NUP43: variants seen among roughly 807,000 people sequenced by gnomAD.
NUP43 encodes nucleoporin Nup43.
In NUP43, 32 loss-of-function variants were observed where a neutral mutation model predicts 47.3. The ratio of observed to expected loss-of-function variants is 0.68; its 90% confidence interval spans 0.51 to 0.91. The LOEUF is 0.91. Ranked by LOEUF, NUP43 falls within the 40% of genes least tolerant of loss-of-function variation. The pLI is 0.00. For missense variants in NUP43, 444 were observed against 453.9 expected (o/e 0.98, Z 0.20); for synonymous variants, 147 against 158.4 (o/e 0.93, Z 0.54).
At position 149,727,754 on chromosome 6, in the gene NUP43, T is replaced by G. The variant is rs1006771854; in HGVS notation, c.914-556A>C. ...TAGATAAATGTTCTTACAAGCAGATTAGAACACTACTAGATTATAAGGTTT... is the reference window on the plus strand; with the variant it reads ...TAGATAAATGTTCTTACAAGCAGATGAGAACACTACTAGATTATAAGGTTT... On this transcript the variant is annotated intron_variant, in intron 7 of 7. Transcript: ENST00000340413. 38 of 983,576 alleles carry G rather than the reference T, an allele frequency of 3.9e-5. 1 individual carries two copies. The South Asian group carries it at 1.6e-3, about 43-fold the overall frequency. The allele number at this position is 983,576 out of a possible 1,614,324, so 60.9% of individuals were successfully genotyped here.
intron 7 of NUP43, among the ~76,000 whole-genome samples, chr6:149,728,756 G>A (rs1343962871): frequency 1.3e-5 from 2 of 152,104 alleles, no homozygotes; most frequent in Non-Finnish European, 2.9e-5. Context: ...TGGTGTCCTT[G>A]CAGTTCTCTG....
At chr6:149,744,648 C>T (rs1582985433) in intron 2 of NUP43, among the ~76,000 whole-genome samples, 1 of 151,780 alleles carries the variant, frequency 6.6e-6, no homozygotes, top group African/African-American at 2.4e-5. Context: ...CCAGCCTGGC[C>T]AACATGGTGA....
At chr6:149,739,400 C>T (rs946381781) in intron 4 of NUP43, among the ~76,000 whole-genome samples, 1 of 152,132 alleles carries the variant, frequency 6.6e-6, no homozygotes, top group African/African-American at 2.4e-5. Flanking sequence ...GATTCTCTTG[C>T]CTCGGCCTCT....
At chr6:149,743,423 C>G (rs966816596) in intron 3 of NUP43, among the ~76,000 whole-genome samples, 63 of 151,822 alleles carry the variant, frequency 4.1e-4, no homozygotes, top group African/African-American at 1.4e-3. Flanking sequence ...TGGAGAAACC[C>G]CGTCTCTACT....
At chr6:149,734,538 C>T (rs903306360) in intron 6 of NUP43, among the ~76,000 whole-genome samples, 4 of 151,832 alleles carry the variant, frequency 2.6e-5, no homozygotes, top group Non-Finnish European at 5.9e-5. Flanking sequence ...TGGCTCACAC[C>T]TGTAATCCCA....
chr6:149,743,250 C>G (rs1785763678), intron 3 of NUP43, among the ~76,000 whole-genome samples: 1 of 151,286 alleles, frequency 6.6e-6, no homozygotes, highest in South Asian at 2.1e-4. Context: ...CTAAATGACT[C>G]AAAAAAACCC....
rs138877796 is a variant in NUP43 at position 149,741,240 on chromosome 6, C to T, written c.502+1150G>A. ...AGGCTGGAGTGCGGTGGCATGATCT[C>T]GGCTCACTGCAGCCTCTCAGTCTCT... On this transcript the variant is annotated intron_variant, in intron 4 of 7. Coordinates refer to ENST00000340413, the MANE Select transcript of NUP43 (RefSeq NM_198887.3). Among the ~76,000 whole-genome samples the T allele has an allele frequency of 6.5e-3, 995 of 152,184 alleles. 12 individuals are homozygous for T. Among genetic ancestry groups the T allele is most frequent in the African/African-American group, 0.023 (941 of 41,514 alleles).
chr6:149,725,129 A>G lies in NUP43; in HGVS notation c.*1840T>C, dbSNP rs1784745324. 1.3e-5 allele frequency: 2 copies of G among 152,218 alleles called. No homozygotes were observed. Among genetic ancestry groups the G allele is most frequent in the Admixed American group, 1.3e-4 (2 of 15,266 alleles). 9.4% of individuals were successfully genotyped at this position (152,218 alleles called of 1,614,324 possible). A position where few individuals can be genotyped will look rare whatever the true frequency, so the allele number is the denominator to read the frequency against. On this transcript the variant is annotated 3_prime_UTR_variant, in exon 8 of 8. Transcript: ENST00000340413. ...TTATTAAAATTGGCAAAACTTGTCA[A>G]TTGGCATGAAATGTAATGCTGTTAA...
At chr6:149,742,308 G>T in intron 4 of NUP43, 82 bp downstream of exon 4, 2 of 1,337,560 alleles carry the variant, frequency 1.5e-6, no homozygotes, top group Non-Finnish European at 2.1e-6. Context: ...TTGCCGGGGT[G>T]AGCCACCACA....
At chr6:149,737,628 T>C (rs796299988) in intron 5 of NUP43, among the ~76,000 whole-genome samples, 27 of 152,178 alleles carry the variant, frequency 1.8e-4, no homozygotes, top group African/African-American at 6.5e-4. Flanking sequence ...GCTGAATCTT[T>C]TTTTTATTTG....
At chr6:149,733,567 TC>T (rs1168495138) in intron 6 of NUP43, among the ~76,000 whole-genome samples, 1 of 151,840 alleles carries the variant, frequency 6.6e-6, no homozygotes, top group Non-Finnish European at 1.5e-5. Flanking sequence ...TATCTCAGCC[TC>T]CTGAGTAGCT....
At position 149,726,425 on chromosome 6, in the gene NUP43, C is replaced by G. The variant is rs1306392423; in HGVS notation, c.*544G>C. ...AAAAAAAAAAAAAAAAAATTGAACACAGCTACACATCTTTGTCATTTTTGC... is the reference window on the plus strand; with the variant it reads ...AAAAAAAAAAAAAAAAAATTGAACAGAGCTACACATCTTTGTCATTTTTGC... On this transcript the variant is annotated 3_prime_UTR_variant, in exon 8 of 8. Coordinates refer to ENST00000340413, the MANE Select transcript of NUP43 (RefSeq NM_198887.3). 6.7e-6 allele frequency: 1 copy of G among 150,094 alleles called. No individual in the cohort carries two copies. Among genetic ancestry groups the G allele is most frequent in the African/African-American group, 2.5e-5 (1 of 40,568 alleles). 9.3% of individuals were successfully genotyped at this position (150,094 alleles called of 1,614,324 possible).
At chr6:149,740,050 C>T (rs576562902) in intron 4 of NUP43, among the ~76,000 whole-genome samples, 57 of 152,114 alleles carry the variant, frequency 3.7e-4, no homozygotes, top group Admixed American at 1.1e-3. Context: ...TTCGGGAGGC[C>T]GAGGTGGGCA....
At chr6:149,735,454 A>T (rs1270727449) in intron 6 of NUP43, among the ~76,000 whole-genome samples, 5 of 151,930 alleles carry the variant, frequency 3.3e-5, no homozygotes, top group Admixed American at 3.3e-4. Context: ...CTAAGAAAAT[A>T]AGTACATAAG....
At chr6:149,727,900 C>T (rs1784865273) in intron 7 of NUP43, 1 of 985,264 alleles carries the variant, frequency 1.0e-6, no homozygotes, top group East Asian at 1.1e-4. Context: ...CAAATAAGTA[C>T]AAATTTAATT....
chr6:149,745,869 T>C (rs1044247755), intron 2 of NUP43, 71 bp downstream of exon 2: 9 of 1,397,586 alleles, frequency 6.4e-6, no homozygotes, highest in Non-Finnish European at 8.6e-6. Flanking sequence ...ACAACTTTTA[T>C]GATGCTCTGC....
At chr6:149,742,291 G>A (rs542050219) in intron 4 of NUP43, 99 bp downstream of exon 4, 1 of 1,087,834 alleles carries the variant, frequency 9.2e-7, no homozygotes, top group African/African-American at 1.5e-5. Context: ...CTCCCAAAGT[G>A]CTGCAATTGC....
chr6:149,743,552 G>A (rs1284268552), intron 3 of NUP43, 86 bp downstream of exon 3: 19 of 771,412 alleles, frequency 2.5e-5, no homozygotes, highest in South Asian at 7.9e-5. Context: ...CCGAGACTGC[G>A]CCACTGCACT....
intron 6 of NUP43, among the ~76,000 whole-genome samples, chr6:149,734,279 G>A (rs1345859504): frequency 6.6e-6 from 1 of 151,994 alleles, no homozygotes; most frequent in Non-Finnish European, 1.5e-5. Context: ...AGGCTTAAGT[G>A]AGGTACCATG....
Sources: allele counts gnomAD v4.1 joint callset (sites outside exome capture counted in the v4.1 genomes callset), GRCh38; gene constraint gnomAD v4.1.1; transcripts MANE v1.5; gene names NCBI Gene and HGNC (gene_info 2026-07-23, HGNC 2026-07-21).